ARID1A: variants seen among roughly 807,000 people sequenced by gnomAD.
The protein encoded by ARID1A is AT-rich interactive domain-containing protein 1A.
ARID1A carries 20 observed loss-of-function variants against 212.6 expected under a neutral mutation model. The observed-to-expected ratio is 0.09, with a 90% confidence interval of 0.07 to 0.14. The LOEUF is 0.14. Ranked by LOEUF, ARID1A falls within the 10% of genes least tolerant of loss-of-function variation. The pLI, the probability that ARID1A is intolerant of heterozygous loss-of-function variation, is 1.00. For synonymous variants in ARID1A, 1,376 were observed against 1,222.1 expected (o/e 1.13, Z -2.63); for missense variants, 2,587 against 3,059.0 (o/e 0.85, Z 3.64).
chr1:26,697,523 C>T lies in ARID1A; in HGVS notation c.1120C>T (p.Leu374Phe), dbSNP rs1157706965. The T allele has an allele frequency of 7.2e-7, 1 of 1,397,256 alleles. No individual in the cohort carries two copies. The allele number at this position is 1,397,256 out of a possible 1,614,324, so 86.6% of individuals were successfully genotyped here. ...PGSSGGGGQP[L>F]ARTPQPSSPM... ...GAGCAGCGGCGGCGGGGGGCAGCCG[C>T]TCGCCCGGACCCCTCAGGTACACAG... Residue 374 changes from leucine to phenylalanine, a missense_variant, in exon 1 of 20, where the codon CTC becomes TTC. Transcript: ENST00000324856.
intron 1 of ARID1A, among the ~76,000 whole-genome samples, chr1:26,700,334 AC>A (rs2080320317): frequency 6.6e-6 from 1 of 152,226 alleles, no homozygotes; most frequent in African/African-American, 2.4e-5. Flanking sequence ...CTTAATTAAC[AC>A]AGCTAAGGTG....
chr1:26,768,070 C>A, intron 11 of ARID1A, 71 bp downstream of exon 11: 1 of 1,462,820 alleles, frequency 6.8e-7, no homozygotes. Context: ...TCACTGGCTT[C>A]ATGTGGTACC....
rs2080245924 is a variant in ARID1A at position 26,696,054 on chromosome 1, G to A, written c.-350G>A. The A allele has an allele frequency of 1.5e-6, 1 of 674,320 alleles. No individual in the cohort carries two copies. Among genetic ancestry groups the A allele is most frequent in the Non-Finnish European group, 1.9e-6 (1 of 535,676 alleles). The allele number at this position is 674,320 out of a possible 1,614,324, so 41.8% of individuals were successfully genotyped here. A position where few individuals can be genotyped will look rare whatever the true frequency, so the allele number is the denominator to read the frequency against. ...AGCAGAAAGCGGAGAGTCACAGCGG[G>A]GCCAGGCCCTGGGGAGCGGAGCCTC... On this transcript the variant is annotated 5_prime_UTR_variant, in exon 1 of 20. Coordinates refer to ENST00000324856, the MANE Select transcript of ARID1A (RefSeq NM_006015.6).
At chr1:26,763,756 G>A (rs1426974893) in intron 8 of ARID1A, among the ~76,000 whole-genome samples, 2 of 152,212 alleles carry the variant, frequency 1.3e-5, no homozygotes, top group African/African-American at 2.4e-5. Context: ...GCGACAGAGC[G>A]AGACTGTCGA....
In ARID1A at chr1:26,775,037, T is replaced by C. The variant is rs2124122653; in HGVS notation, c.4810T>C (p.Ser1604Pro). 6.2e-7 allele frequency: 1 copy of C among 1,608,794 alleles called. No individual in the cohort carries two copies. Among genetic ancestry groups the C allele is most frequent in the Non-Finnish European group, 8.5e-7 (1 of 1,177,964 alleles). ...PMENRTSPSK[S>P]PFLHSGMKMQ... is the part of the protein sequence containing the mutation. The stretch of plus-strand genomic sequence containing the variant: ...GGAGAACCGCACCTCTCCTAGCAAG[T>C]CTCCATTCCTGCACTCTGGGATGAA... The change falls in exon 18 of 20, where the codon TCT becomes CCT. Residue 1604 changes from serine (S) to proline (P), a missense_variant. Transcript: ENST00000324856.
chr1:26,718,528 A>G (rs2080526673), intron 1 of ARID1A, among the ~76,000 whole-genome samples: 1 of 152,218 alleles, frequency 6.6e-6, no homozygotes, highest in African/African-American at 2.4e-5. Context: ...GGTTGGTTCC[A>G]GGACTCCCTG....
chr1:26,747,792 T>C lies in ARID1A; in HGVS notation c.1921-13064T>C, dbSNP rs2080851646. 2.0e-5 allele frequency among the ~76,000 whole-genome samples: 3 copies of C among 152,134 alleles called. No individual in the cohort carries two copies. In the South Asian group the frequency reaches 6.2e-4, roughly 32 times the overall value. Reference sequence around the variant, plus strand: ...TTGAGCCCAGGAGTTTGAGGCTGCATTGAGCTATGCTTGCACGACTGCACT... The same window carrying C: ...TTGAGCCCAGGAGTTTGAGGCTGCACTGAGCTATGCTTGCACGACTGCACT... On this transcript the variant is annotated intron_variant, in intron 4 of 19. Coordinates refer to ENST00000324856, the MANE Select transcript of ARID1A (RefSeq NM_006015.6).
intron 1 of ARID1A, among the ~76,000 whole-genome samples, chr1:26,701,455 G>A (rs1001564910): frequency 6.6e-6 from 1 of 152,154 alleles, no homozygotes; most frequent in Admixed American, 6.6e-5. Context: ...CTTGAGTTGT[G>A]TGTTGCGTTA....
intron 1 of ARID1A, among the ~76,000 whole-genome samples, chr1:26,718,611 C>T (rs567202450): frequency 1.2e-4 from 19 of 152,266 alleles, no homozygotes; most frequent in African/African-American, 4.3e-4. Context: ...GTACATTCTC[C>T]TGTATACGTT....
intron 1 of ARID1A, among the ~76,000 whole-genome samples, chr1:26,705,670 A>T (rs2080385058): frequency 6.6e-6 from 1 of 152,196 alleles, no homozygotes; most frequent in Non-Finnish European, 1.5e-5. Context: ...GTTTTAGAGG[A>T]ATCCAAGTTC....
intron 11 of ARID1A, chr1:26,770,674 C>T (rs2081075624): frequency 6.1e-6 from 1 of 164,656 alleles, no homozygotes; most frequent in African/African-American, 2.4e-5. Context: ...AAGAGAATCG[C>T]TTGAGCCCGG....
chr1:26,705,752 A>C (rs2080385981), intron 1 of ARID1A, among the ~76,000 whole-genome samples: 1 of 152,166 alleles, frequency 6.6e-6, no homozygotes, highest in South Asian at 2.1e-4. Context: ...AAATGGATGA[A>C]ATTAGTTTTT....
intron 4 of ARID1A, among the ~76,000 whole-genome samples, chr1:26,735,310 G>C (rs1028284713): frequency 1.4e-4 from 21 of 151,350 alleles, no homozygotes; most frequent in Admixed American, 1.4e-3. Flanking sequence ...ATTTATTTTT[G>C]GATACTGAGT....
intron 17 of ARID1A, 63 bp downstream of exon 17, chr1:26,773,961 T>G (rs1279151114): frequency 3.2e-6 from 5 of 1,549,308 alleles, no homozygotes; most frequent in Non-Finnish European, 4.4e-6. Context: ...GTTAGTAAAC[T>G]AATCTAACGT....
chr1:26,727,504 G>C (rs1393328310), intron 1 of ARID1A, among the ~76,000 whole-genome samples: 1 of 152,166 alleles, frequency 6.6e-6, no homozygotes, highest in Admixed American at 6.5e-5. Context: ...TGCTTCTCTA[G>C]ATCACTGGTT....
chr1:26,779,799 G>GTGT lies in ARID1A; in HGVS notation c.5902_5904dup (p.Cys1968dup). ...CCCACAGTAAGGATGAGACCCCACTGTGTACCCTTCTGGACTGGCAGGATT... is the reference window on the plus strand; with the variant it reads ...CCCACAGTAAGGATGAGACCCCACTGTGTTGTACCCTTCTGGACTGGCAGGATT... On this transcript the variant is annotated inframe_insertion, in exon 20 of 20. Transcript: ENST00000324856. The GTGT allele has an allele frequency of 6.2e-6, 10 of 1,614,130 alleles. No homozygotes were observed. Among genetic ancestry groups the GTGT allele is most frequent in the Non-Finnish European group, 8.5e-6 (10 of 1,180,042 alleles).
intron 1 of ARID1A, among the ~76,000 whole-genome samples, chr1:26,713,382 A>G (rs1254362375): frequency 6.9e-6 from 1 of 144,538 alleles, no homozygotes; most frequent in African/African-American, 2.6e-5. Flanking sequence ...TTTTTTTGGC[A>G]GAGTCTTGCT....
intron 11 of ARID1A, chr1:26,769,024 AC>A (rs2081061900): frequency 6.6e-6 from 1 of 152,222 alleles, no homozygotes; most frequent in South Asian, 2.1e-4. Context: ...CCCCTCCCCC[AC>A]AAAGGAAAAC....
chr1:26,699,866 C>G (rs976045756), intron 1 of ARID1A, among the ~76,000 whole-genome samples: 1 of 152,162 alleles, frequency 6.6e-6, no homozygotes, highest in Non-Finnish European at 1.5e-5. Context: ...AAAGCCAACT[C>G]TTTTGGTATA....
Sources: gnomAD v4.1 joint callset for allele counts (sites outside exome capture counted in the v4.1 genomes callset) on GRCh38, gnomAD v4.1.1 for gene constraint, MANE v1.5 for transcripts, NCBI Gene and HGNC (gene_info 2026-07-23, HGNC 2026-07-21) for gene names.